Variants in GGACT observed in about 807,000 individuals in gnomAD.
The protein encoded by GGACT is gamma-glutamylamine cyclotransferase, also known as gamma-glutamylaminecyclotransferase.
For missense variants in GGACT, 241 were observed against 233.2 expected, an observed-to-expected ratio of 1.03 and a Z score of -0.22; for synonymous variants, 118 against 115.3, an observed-to-expected ratio of 1.02 and a Z score of -0.15.
In GGACT at chr13:100,530,568, TATTAA is replaced by T. The variant is rs1198867933; in HGVS notation, c.*1557_*1561del. The T allele has an allele frequency of 9.9e-6, 3 of 301,796 alleles. No homozygotes were observed. The highest frequency in any genetic ancestry group is 4.4e-5 in the African/African-American group (2 of 45,546). The allele number at this position is 301,796 out of a possible 1,614,324, so 18.7% of individuals were successfully genotyped here. On this transcript the variant is annotated 3_prime_UTR_variant, in exon 3 of 3. Coordinates refer to ENST00000683975, the MANE Select transcript of GGACT (RefSeq NM_001195087.2). ...TGTCAGTCAGTTCTCTGCCTTGCTT[TATTAA>T]ATTAGCACTTGCCATTTTTTCATCT...
rs371949599 is a variant in GGACT at position 100,558,760 on chromosome 13, G to A, written c.-11+25065C>T. On this transcript the variant is annotated intron_variant, in intron 2 of 2. Transcript: ENST00000683975. ...AGAAAGACAGATACTGCATGTTCCT[G>A]CTCACATATGGAATCTGAAAAACCT... Among the ~76,000 whole-genome samples the A allele has an allele frequency of 1.4e-3, 217 of 152,244 alleles. 1 individual carries two copies. Among genetic ancestry groups the A allele is most frequent in the African/African-American group, 4.9e-3 (204 of 41,536 alleles).
chr13:100,554,721 AAG>A (rs1327368008), intron 2 of GGACT, among the ~76,000 whole-genome samples: 1 of 152,226 alleles, frequency 6.6e-6, no homozygotes, highest in Non-Finnish European at 1.5e-5. Context: ...TATCAAAGAA[AAG>A]AGGGAATTGA....
At chr13:100,568,740 CA>C (rs1389003731) in intron 2 of GGACT, among the ~76,000 whole-genome samples, 1 of 152,182 alleles carries the variant, frequency 6.6e-6, no homozygotes, top group East Asian at 1.9e-4. Context: ...AAGTGAAGTC[CA>C]AAGTCTCATC....
intron 2 of GGACT, among the ~76,000 whole-genome samples, chr13:100,562,001 G>C (rs2088766156): frequency 6.6e-6 from 1 of 152,204 alleles, no homozygotes. Context: ...CCCGGAGGAG[G>C]CTGTGCCCAA....
chr13:100,532,000 G>C lies in GGACT; in HGVS notation c.*130C>G. The C allele has an allele frequency of 1.8e-6, 1 of 553,502 alleles. No individual in the cohort carries two copies. The highest frequency in any genetic ancestry group is 2.9e-6 in the Non-Finnish European group (1 of 344,210). 34.3% of individuals were successfully genotyped at this position (553,502 alleles called of 1,614,324 possible). ...ATTATTTGTAAAATCAGCTGCCACT[G>C]AAAGATTGGTTCCTTTCCGGCAGAT... On this transcript the variant is annotated 3_prime_UTR_variant, in exon 3 of 3. Transcript: ENST00000683975.
intron 2 of GGACT, among the ~76,000 whole-genome samples, chr13:100,560,527 A>T (rs921389256): frequency 1.3e-5 from 2 of 152,148 alleles, no homozygotes; most frequent in African/African-American, 2.4e-5. Flanking sequence ...CAGGGCCAAC[A>T]GGGAATGGAC....
At chr13:100,536,416 G>A (rs745424419) in intron 2 of GGACT, 2 of 150,442 alleles carry the variant, frequency 1.3e-5, no homozygotes, top group Admixed American at 6.6e-5. Context: ...TTTCCTCCAG[G>A]TCTATATTAT....
intron 2 of GGACT, among the ~76,000 whole-genome samples, chr13:100,569,637 G>A (rs1875020047): frequency 6.6e-6 from 1 of 152,244 alleles, no homozygotes; most frequent in Non-Finnish European, 1.5e-5. Context: ...TTTCGCCACT[G>A]TCTTGGTGAT....
Position 100,530,356 on chromosome 13 carries a change from C to T in GGACT, c.*1774G>A, listed in dbSNP as rs41281124. 2 of 645,258 alleles carry T rather than the reference C, an allele frequency of 3.1e-6. No individual in the cohort carries two copies. The highest frequency in any genetic ancestry group is 5.6e-6 in the Non-Finnish European group (2 of 356,342). The allele number at this position is 645,258 out of a possible 1,614,324, so 40.0% of individuals were successfully genotyped here. On this transcript the variant is annotated 3_prime_UTR_variant, in exon 3 of 3. Transcript: ENST00000683975. ...ATGGAAATTTTCATTGATATAAATACTTGTACATATGATTTGTACTTCTGC... is the reference window on the plus strand; with the variant it reads ...ATGGAAATTTTCATTGATATAAATATTTGTACATATGATTTGTACTTCTGC...
intron 2 of GGACT, among the ~76,000 whole-genome samples, chr13:100,546,677 A>T (rs370848410): frequency 6.6e-6 from 1 of 152,180 alleles, no homozygotes; most frequent in Non-Finnish European, 1.5e-5. Context: ...TCTCTGAATA[A>T]ATAATAACAA....
chr13:100,569,226 TC>T (rs1875003635), intron 2 of GGACT, among the ~76,000 whole-genome samples: 1 of 152,254 alleles, frequency 6.6e-6, no homozygotes, highest in South Asian at 2.1e-4. Context: ...ACCCCAAATT[TC>T]CCTTCTGCAC....
intron 2 of GGACT, among the ~76,000 whole-genome samples, chr13:100,533,063 C>T (rs1349826862): frequency 6.6e-6 from 1 of 152,244 alleles, no homozygotes; most frequent in Admixed American, 6.5e-5. Flanking sequence ...CCCTGCCTCG[C>T]CTGCACAGGC....
At chr13:100,588,427 G>A (rs945581345) in intron 1 of GGACT, among the ~76,000 whole-genome samples, 1 of 152,226 alleles carries the variant, frequency 6.6e-6, no homozygotes, top group African/African-American at 2.4e-5. Context: ...TTCCTTTACA[G>A]GGAAGCAGCG....
At chr13:100,565,230 G>A (rs1326245896) in intron 2 of GGACT, among the ~76,000 whole-genome samples, 1 of 152,130 alleles carries the variant, frequency 6.6e-6, no homozygotes, top group African/African-American at 2.4e-5. Context: ...GCTCAGATCA[G>A]AGTTCAAAAA....
intron 2 of GGACT, among the ~76,000 whole-genome samples, chr13:100,571,137 A>T (rs1293682493): frequency 6.6e-6 from 1 of 152,208 alleles, no homozygotes; most frequent in Non-Finnish European, 1.5e-5. Context: ...AAAGGAAAGA[A>T]GGGAAAAAAG....
At chr13:100,580,601 A>T (rs1432521315) in intron 2 of GGACT, among the ~76,000 whole-genome samples, 1 of 152,240 alleles carries the variant, frequency 6.6e-6, no homozygotes, top group Non-Finnish European at 1.5e-5. Context: ...TGGAAGCCCT[A>T]GCAAATGAAC....
intron 2 of GGACT, among the ~76,000 whole-genome samples, chr13:100,577,282 G>T (rs1477514612): frequency 6.6e-6 from 1 of 152,024 alleles, no homozygotes; most frequent in African/African-American, 2.4e-5. Flanking sequence ...CAGGCGTGGT[G>T]GTGGGTGCCT....
At chr13:100,543,742 C>T (rs1350337909) in intron 2 of GGACT, among the ~76,000 whole-genome samples, 1 of 152,250 alleles carries the variant, frequency 6.6e-6, no homozygotes, top group Admixed American at 6.5e-5. Context: ...GCATGAAGCT[C>T]AGGCCCCTGC....
intron 2 of GGACT, among the ~76,000 whole-genome samples, chr13:100,579,486 A>C (rs564424009): frequency 6.6e-6 from 1 of 152,192 alleles, no homozygotes; most frequent in South Asian, 2.1e-4. Context: ...AGCCAGCCAT[A>C]AAACCTAAAA....
Sources: gnomAD v4.1 joint callset for allele counts (sites outside exome capture counted in the v4.1 genomes callset) on GRCh38, gnomAD v4.1.1 for gene constraint, MANE v1.5 for transcripts, NCBI Gene and HGNC (gene_info 2026-07-23, HGNC 2026-07-21) for gene names.